The following SPAM1 variants were observed in gnomAD, a reference collection of about 807,000 sequenced individuals.
SPAM1 encodes hyaluronidase PH-20.
A neutral mutation model predicts 29.6 loss-of-function variants in SPAM1; 22 were observed. The ratio of observed to expected loss-of-function variants is 0.74; its 90% confidence interval spans 0.53 to 1.06. The LOEUF (loss-of-function observed/expected upper bound fraction) is 1.06, where lower values mean the gene tolerates loss of function less well. SPAM1 is among the 50% of genes least tolerant of loss of function. SPAM1 has a pLI of 0.00. For synonymous variants in SPAM1, 194 were observed against 204.6 expected, an observed-to-expected ratio of 0.95 and a Z score of 0.44; for missense variants, 534 against 604.0, an observed-to-expected ratio of 0.88 and a Z score of 1.21.
chr7:123,963,091 G>A (rs1377185569), downstream of SPAM1, among the ~76,000 whole-genome samples: 2 of 151,722 alleles, frequency 1.3e-5, no homozygotes, highest in East Asian at 3.9e-4. Flanking sequence ...TATATACCTT[G>A]GCATACTTTT....
At chr7:123,949,482 A>G (rs1341086237) in intron 1 of SPAM1, among the ~76,000 whole-genome samples, 1 of 152,076 alleles carries the variant, frequency 6.6e-6, no homozygotes, top group Non-Finnish European at 1.5e-5. Context: ...TACATGTTGC[A>G]TCATTATCTT....
At chr7:123,929,279 C>T (rs1807992624) in intron 1 of SPAM1, among the ~76,000 whole-genome samples, 1 of 152,088 alleles carries the variant, frequency 6.6e-6, no homozygotes, top group African/African-American at 2.4e-5. Flanking sequence ...TTTTATGAGG[C>T]CCTAAATATC....
At chr7:123,947,002 C>A (rs756706678) in intron 1 of SPAM1, among the ~76,000 whole-genome samples, 26 of 152,122 alleles carry the variant, frequency 1.7e-4, no homozygotes, top group Non-Finnish European at 2.8e-4. Context: ...TGACGTTTCC[C>A]TTGGCTTAGT....
chr7:123,954,026 C>G lies in SPAM1; in HGVS notation c.456C>G (p.Pro152=). ...MAVIDWEEWR[P]TWARNWKPKD... Reference sequence around the variant, plus strand: ...TTATTGACTGGGAAGAATGGAGACCCACTTGGGCAAGAAACTGGAAACCTA... The same window carrying G: ...TTATTGACTGGGAAGAATGGAGACCGACTTGGGCAAGAAACTGGAAACCTA... The change falls in exon 3 of 5, where the codon CCC becomes CCG. Residue 152 remains proline (P), a synonymous_variant. Coordinates refer to ENST00000682466, the MANE Select transcript of SPAM1 (RefSeq NM_153189.3). 6.2e-7 allele frequency: 1 copy of G among 1,613,600 alleles called. No individual in the cohort carries two copies.
chr7:123,970,252 T>G (rs1341384031), exon 6 of SPAM1: 1 of 1,548,504 alleles, frequency 6.5e-7, no homozygotes, highest in Admixed American at 2.0e-5. Flanking sequence ...CTTCTGAGAG[T>G]CATGAGGGAA....
chr7:123,950,335 G>A (rs1808719156), intron 2 of SPAM1, among the ~76,000 whole-genome samples: 1 of 151,876 alleles, frequency 6.6e-6, no homozygotes, highest in Non-Finnish European at 1.5e-5. Context: ...ATAATGGTAG[G>A]GTTTGGGCTT....
chr7:123,955,725 G>A (rs1792234146), intron 4 of SPAM1, among the ~76,000 whole-genome samples: 1 of 151,858 alleles, frequency 6.6e-6, no homozygotes, highest in Non-Finnish European at 1.5e-5. Flanking sequence ...ATACTCAACA[G>A]CAGTTACATT....
intron 1 of SPAM1, among the ~76,000 whole-genome samples, chr7:123,940,916 G>A (rs988525020): frequency 6.6e-6 from 1 of 152,124 alleles, no homozygotes; most frequent in African/African-American, 2.4e-5. Context: ...TTGAGTCAAT[G>A]CTGAAGGATT....
intron 1 of SPAM1, among the ~76,000 whole-genome samples, chr7:123,932,689 A>G (rs1444336467): frequency 6.6e-6 from 1 of 152,246 alleles, no homozygotes; most frequent in Non-Finnish European, 1.5e-5. Flanking sequence ...ATCTATACCC[A>G]AAGAACTCGT....
intron 1 of SPAM1, among the ~76,000 whole-genome samples, chr7:123,933,843 G>A (rs1368801963): frequency 1.3e-5 from 2 of 152,110 alleles, no homozygotes; most frequent in East Asian, 1.9e-4. Context: ...GTATAATAAT[G>A]TTTTGGTCAA....
exon 7 of SPAM1, chr7:123,971,279 T>C (rs1330512847): frequency 6.6e-6 from 1 of 152,164 alleles, no homozygotes; most frequent in African/African-American, 2.4e-5. Flanking sequence ...AAATGCCATT[T>C]ATAAAGAATT....
intron 1 of SPAM1, among the ~76,000 whole-genome samples, chr7:123,937,869 A>C (rs1047740324): frequency 2.0e-4 from 30 of 152,128 alleles, no homozygotes; most frequent in African/African-American, 7.0e-4. Context: ...GAAGACAGTA[A>C]GGATAGAAAG....
chr7:123,948,587 T>C (rs1423210069), intron 1 of SPAM1, among the ~76,000 whole-genome samples: 3 of 152,130 alleles, frequency 2.0e-5, no homozygotes, highest in Non-Finnish European at 4.4e-5. Context: ...GGAGGTGCCT[T>C]GTGAATGACT....
intron 2 of SPAM1, among the ~76,000 whole-genome samples, chr7:123,952,773 T>C (rs1335524573): frequency 6.6e-6 from 1 of 151,986 alleles, no homozygotes; most frequent in Non-Finnish European, 1.5e-5. Context: ...TTGTAAGATG[T>C]GATCGAGCAG....
At chr7:123,960,100 A>T, downstream of SPAM1, 7 of 1,291,714 alleles carry the variant, frequency 5.4e-6, no homozygotes, top group Non-Finnish European at 7.3e-6. Context: ...AACTATACCT[A>T]GGAAATGACG....
chr7:123,943,944 T>G (rs1000200476), intron 1 of SPAM1, among the ~76,000 whole-genome samples: 3 of 152,178 alleles, frequency 2.0e-5, no homozygotes, highest in African/African-American at 4.8e-5. Context: ...ATCTTGACCA[T>G]AAGATATAAT....
In SPAM1 at chr7:123,956,767, G is replaced by T. The variant is rs183110801; in HGVS notation, c.1044+1681G>T. On this transcript the variant is annotated intron_variant, in intron 4 of 4. Transcript: ENST00000682466. ...GCATCTTTATAAATGGAAATACTAT[G>T]TAATAATGTGCTACTTCACACCATG... Among the ~76,000 whole-genome samples the T allele has an allele frequency of 1.1e-3, 174 of 152,072 alleles. 1 individual carries two copies. The highest frequency in any genetic ancestry group is 4.0e-3 in the African/African-American group (168 of 41,510).
chr7:123,930,930 G>A (rs1808060489), intron 1 of SPAM1, among the ~76,000 whole-genome samples: 2 of 152,148 alleles, frequency 1.3e-5, no homozygotes, highest in Non-Finnish European at 1.5e-5. Flanking sequence ...GGGTTCAGAT[G>A]TCCTTCGTAG....
At chr7:123,963,793 G>A (rs1217088011), downstream of SPAM1, among the ~76,000 whole-genome samples, 3 of 151,890 alleles carry the variant, frequency 2.0e-5, no homozygotes, top group Non-Finnish European at 2.9e-5. Context: ...CAATTTGTAA[G>A]CTGCTGACTT....
Sources: gnomAD v4.1 joint callset for allele counts (sites outside exome capture counted in the v4.1 genomes callset) on GRCh38, gnomAD v4.1.1 for gene constraint, MANE v1.5 for transcripts, NCBI Gene and HGNC (gene_info 2026-07-23, HGNC 2026-07-21) for gene names.